LRRC4C: variants seen among roughly 807,000 people sequenced by gnomAD.
LRRC4C encodes leucine-rich repeat-containing protein 4C.
In LRRC4C, 5 loss-of-function variants were observed where a neutral mutation model predicts 33.6. The observed-to-expected ratio is 0.15, with a 90% CI of 0.08 to 0.31. The LOEUF (loss-of-function observed/expected upper bound fraction) is 0.31. Ranked by LOEUF, LRRC4C falls within the 10% of genes least tolerant of loss-of-function variation. The probability of loss-of-function intolerance (pLI) is 1.00; values close to 1 mark genes in which losing one functional copy is unlikely to be tolerated. For missense variants in LRRC4C, 560 were observed against 796.7 expected (o/e 0.70, Z 3.58); for synonymous variants, 329 against 302.0 (o/e 1.09, Z -0.93).
At chr11:40,876,676 G>A (rs539618370) in intron 2 of LRRC4C, among the ~76,000 whole-genome samples, 14 of 151,968 alleles carry the variant, frequency 9.2e-5, no homozygotes, top group South Asian at 6.3e-4. Flanking sequence ...AGGCCAAGGC[G>A]GGCAGATCAT....
At chr11:40,798,703 G>T (rs1259030372) in intron 2 of LRRC4C, among the ~76,000 whole-genome samples, 1 of 148,650 alleles carries the variant, frequency 6.7e-6, no homozygotes, top group African/African-American at 2.5e-5. Flanking sequence ...GAGTACAATA[G>T]CACGACCTCA....
intron 3 of LRRC4C, among the ~76,000 whole-genome samples, chr11:40,643,936 T>G (rs951573228): frequency 6.6e-6 from 1 of 152,098 alleles, no homozygotes; most frequent in African/African-American, 2.4e-5. Context: ...TCAAAATGTC[T>G]AGGTTTCAAC....
chr11:40,387,170 A>C (rs1019786092), intron 3 of LRRC4C, among the ~76,000 whole-genome samples: 3 of 152,102 alleles, frequency 2.0e-5, no homozygotes, highest in Admixed American at 2.0e-4. Flanking sequence ...AACTTTCCTC[A>C]TATTTATTTT....
intron 1 of LRRC4C, among the ~76,000 whole-genome samples, chr11:41,170,954 G>T (rs1443238395): frequency 6.6e-6 from 1 of 152,062 alleles, no homozygotes; most frequent in African/African-American, 2.4e-5. Context: ...GATATGAACA[G>T]ACACTTCTCA....
chr11:40,388,687 G>T (rs954156125), intron 3 of LRRC4C, among the ~76,000 whole-genome samples: 1 of 152,144 alleles, frequency 6.6e-6, no homozygotes, highest in African/African-American at 2.4e-5. Context: ...ATGGTAATCT[G>T]CTAACTGAGC....
chr11:40,774,505 T>A (rs775214643), intron 2 of LRRC4C, among the ~76,000 whole-genome samples: 7 of 152,262 alleles, frequency 4.6e-5, no homozygotes, highest in Non-Finnish European at 8.8e-5. Context: ...AATATTTACA[T>A]AATCTTGGAT....
chr11:41,338,567 C>G (rs555044213), intron 1 of LRRC4C, among the ~76,000 whole-genome samples: 74 of 151,904 alleles, frequency 4.9e-4, no homozygotes, highest in Non-Finnish European at 7.9e-4. Flanking sequence ...GGGAGAGCAT[C>G]AGGACAAATA....
intron 3 of LRRC4C, among the ~76,000 whole-genome samples, chr11:40,439,455 TC>T (rs1951291362): frequency 6.7e-6 from 1 of 149,232 alleles, no homozygotes; most frequent in Non-Finnish European, 1.5e-5. Context: ...ATCCATTTAT[TC>T]TTTTTTTTTT....
chr11:41,298,949 A>G (rs576605701), intron 1 of LRRC4C, among the ~76,000 whole-genome samples: 80 of 152,268 alleles, frequency 5.3e-4, no homozygotes, highest in African/African-American at 1.9e-3. Flanking sequence ...AGTACCATCC[A>G]TGTTGCTGCA....
chr11:41,413,731 C>T (rs1954576460), intron 1 of LRRC4C, among the ~76,000 whole-genome samples: 1 of 152,050 alleles, frequency 6.6e-6, no homozygotes. Flanking sequence ...CACAATTGCC[C>T]CTGAAATTTG....
rs953926279 is a variant in LRRC4C at position 40,300,895 on chromosome 11, G to A, written c.-176+18733C>T. ...TGGCTCACTACAGCCTGGAACTCCC[G>A]GGCTCAAGCGATTCTCTCACGTCAG... On this transcript the variant is annotated intron_variant, in intron 4 of 6. Coordinates refer to ENST00000528697, the MANE Select transcript of LRRC4C (RefSeq NM_001258419.2). 3.3e-5 allele frequency among the ~76,000 whole-genome samples: 5 copies of A among 152,152 alleles called. No homozygotes were observed. In the East Asian group the frequency reaches 5.8e-4, roughly 18 times the overall value.
intron 1 of LRRC4C, among the ~76,000 whole-genome samples, chr11:41,301,259 C>G (rs773347242): frequency 3.3e-5 from 5 of 152,118 alleles, no homozygotes; most frequent in Non-Finnish European, 7.3e-5. Context: ...ATTGGAATTA[C>G]GTCATTTACT....
chr11:41,283,555 A>C (rs1320644287), intron 1 of LRRC4C, among the ~76,000 whole-genome samples: 1 of 152,240 alleles, frequency 6.6e-6, no homozygotes, highest in Non-Finnish European at 1.5e-5. Context: ...AAATTGTATC[A>C]GATTAAAATT....
At chr11:40,593,582 A>G (rs954933474) in intron 3 of LRRC4C, among the ~76,000 whole-genome samples, 1 of 152,222 alleles carries the variant, frequency 6.6e-6, no homozygotes. Context: ...TACTATCACA[A>G]GAGTTTACAT....
At chr11:41,176,971 AC>A in intron 1 of LRRC4C, among the ~76,000 whole-genome samples, 1 of 1,092 alleles carries the variant, frequency 9.2e-4, no homozygotes, top group Non-Finnish European at 0.016. Context: ...TCTCTATAAA[AC>A]AAAACAAAAC....
At chr11:40,934,082 T>C (rs1472035236) in intron 1 of LRRC4C, among the ~76,000 whole-genome samples, 2 of 152,214 alleles carry the variant, frequency 1.3e-5, no homozygotes, top group Non-Finnish European at 2.9e-5. Flanking sequence ...TCTATTTTTG[T>C]CAAATGAGTT....
At chr11:40,650,911 T>G (rs1437998908) in intron 2 of LRRC4C, among the ~76,000 whole-genome samples, 1 of 152,102 alleles carries the variant, frequency 6.6e-6, no homozygotes, top group Non-Finnish European at 1.5e-5. Flanking sequence ...ACCCTCTGCC[T>G]CTCACATTAA....
At chr11:40,903,086 G>T (rs181984502) in intron 2 of LRRC4C, among the ~76,000 whole-genome samples, 27 of 152,242 alleles carry the variant, frequency 1.8e-4, no homozygotes, top group African/African-American at 6.5e-4. Flanking sequence ...GGCTTTAAAG[G>T]TTCAAAGGAC....
intron 5 of LRRC4C, among the ~76,000 whole-genome samples, chr11:40,187,860 G>GA (rs1431454654): frequency 6.6e-6 from 1 of 152,112 alleles, no homozygotes; most frequent in East Asian, 1.9e-4. Context: ...CGTTAGAGGA[G>GA]AAAAATGCAT....
Sources: gnomAD v4.1 joint callset for allele counts (sites outside exome capture counted in the v4.1 genomes callset) on GRCh38, gnomAD v4.1.1 for gene constraint, MANE v1.5 for transcripts, NCBI Gene and HGNC (gene_info 2026-07-23, HGNC 2026-07-21) for gene names.